TRIM14: variants seen among roughly 807,000 people sequenced by gnomAD.
The protein encoded by TRIM14 is tripartite motif containing 14, also known as tripartite motif-containing protein 14.
In TRIM14, 28 loss-of-function variants were observed where a neutral mutation model predicts 44.5. The ratio of observed to expected loss-of-function variants is 0.63; its 90% CI spans 0.47 to 0.86. The LOEUF (loss-of-function observed/expected upper bound fraction) is 0.86, where lower values mean the gene tolerates loss of function less well. Among genes scored for constraint, TRIM14 ranks in the 40% least tolerant of loss-of-function variants. TRIM14 has a pLI of 0.00. For missense variants in TRIM14, 607 were observed against 611.1 expected (o/e 0.99, Z 0.07); for synonymous variants, 299 against 269.2 (o/e 1.11, Z -1.08).
intron 1 of TRIM14, among the ~76,000 whole-genome samples, chr9:98,115,563 T>C (rs188557409): frequency 1.3e-5 from 2 of 152,180 alleles, no homozygotes; most frequent in Admixed American, 1.3e-4. Context: ...TTTGTATTTT[T>C]AGTAAAGATG....
intron 2 of TRIM14, among the ~76,000 whole-genome samples, chr9:98,102,701 C>T (rs1013479931): frequency 6.6e-6 from 1 of 152,006 alleles, no homozygotes; most frequent in Non-Finnish European, 1.5e-5. Flanking sequence ...GGAGTAATTG[C>T]TTGATGGTTT....
chr9:98,054,788 G>T, the TRIM14 span, among the ~76,000 whole-genome samples: 1 of 152,144 alleles, frequency 6.6e-6, no homozygotes, highest in Non-Finnish European at 1.5e-5. Context: ...ATCGCCAGAG[G>T]GGGTCTACAG....
the TRIM14 span, among the ~76,000 whole-genome samples, chr9:98,042,336 A>G: frequency 6.6e-6 from 1 of 151,510 alleles, no homozygotes; most frequent in African/African-American, 2.4e-5. Flanking sequence ...TTTAAATTGG[A>G]AAATTGCCTG....
chr9:98,065,772 T>C (rs533980992), downstream of TRIM14, among the ~76,000 whole-genome samples: 2 of 152,110 alleles, frequency 1.3e-5, no homozygotes, highest in South Asian at 2.1e-4. Flanking sequence ...AGTTGAATCA[T>C]GGGGGCTGGT....
chr9:98,056,236 TC>T, the TRIM14 span, among the ~76,000 whole-genome samples: 4 of 152,172 alleles, frequency 2.6e-5, no homozygotes, highest in South Asian at 2.1e-4. Context: ...ATACGTCATC[TC>T]ACAGTTCTAT....
intron 2 of TRIM14, among the ~76,000 whole-genome samples, chr9:98,103,808 A>G (rs1260219235): frequency 6.9e-6 from 1 of 144,614 alleles, no homozygotes; most frequent in Admixed American, 7.1e-5. Context: ...ACTGCACTCC[A>G]GCCTGGCAAC....
downstream of TRIM14, among the ~76,000 whole-genome samples, chr9:98,066,561 G>C (rs960443707): frequency 6.6e-6 from 1 of 151,926 alleles, no homozygotes; most frequent in African/African-American, 2.4e-5. Context: ...ATTACCGTTA[G>C]AACATTTTTT....
Position 98,100,151 on chromosome 9 carries a change from G to T in TRIM14, c.317C>A (p.Ser106Ter). The T allele has an allele frequency of 1.2e-6, 2 of 1,614,062 alleles. No individual in the cohort carries two copies. The highest frequency in any genetic ancestry group is 2.2e-5 in the South Asian group (2 of 91,030). ...ATEKLKANAE[S>*]SKTWLKGKFT... Reference sequence around the variant, plus strand: ...TTTCCCCTTCAGCCAGGTTTTACTTGACTCTGCATTAGCCTAAAAACAGAA... The same window carrying T: ...TTTCCCCTTCAGCCAGGTTTTACTTTACTCTGCATTAGCCTAAAAACAGAA... Residue 106 changes from serine (S) to a stop codon, truncating the protein, a stop_gained, in exon 3 of 6, where the codon TCA becomes TAA. Coordinates refer to ENST00000341469, the MANE Select transcript of TRIM14 (RefSeq NM_014788.4). LOFTEE classifies it high-confidence loss of function.
chr9:98,098,912 C>T (rs997171115), intron 3 of TRIM14, among the ~76,000 whole-genome samples: 1 of 152,066 alleles, frequency 6.6e-6, no homozygotes, highest in African/African-American at 2.4e-5. Flanking sequence ...CTCAGCCTCA[C>T]AGGTGCACGC....
the TRIM14 span, among the ~76,000 whole-genome samples, chr9:98,062,132 T>G: frequency 1.3e-5 from 2 of 151,240 alleles, no homozygotes; most frequent in Admixed American, 6.6e-5. Flanking sequence ...CTTGATCCCA[T>G]GTATTTGAGA....
downstream of TRIM14, among the ~76,000 whole-genome samples, chr9:98,065,359 C>T (rs776067756): frequency 1.4e-4 from 18 of 131,086 alleles, 1 homozygote; most frequent in African/African-American, 5.3e-4. Flanking sequence ...GTTGCCCAGG[C>T]TGGAGTGCAA....
rs187988224 is a variant in TRIM14, at chr9:98,084,653, G to A, written c.*2817C>T. 1.3e-5 allele frequency: 2 copies of A among 152,146 alleles called. No homozygotes were observed. Among genetic ancestry groups the A allele is most frequent in the African/African-American group, 4.8e-5 (2 of 41,416 alleles). 9.4% of individuals were successfully genotyped at this position (152,146 alleles called of 1,614,324 possible). On this transcript the variant is annotated 3_prime_UTR_variant, in exon 6 of 6. Coordinates refer to ENST00000341469, the MANE Select transcript of TRIM14 (RefSeq NM_014788.4). ...TGGGAATGCTGATAAATCCTGGCAT[G>A]ATACAGCAGTATATATGTTTTTTTT...
the TRIM14 span, among the ~76,000 whole-genome samples, chr9:98,047,189 G>GT: frequency 6.6e-6 from 1 of 152,138 alleles, no homozygotes; most frequent in Non-Finnish European, 1.5e-5. Context: ...AGATTTGATG[G>GT]TTTTTATAAG....
At chr9:98,080,722 G>A, downstream of TRIM14, 1 of 1,406,872 alleles carries the variant, frequency 7.1e-7, no homozygotes, top group Non-Finnish European at 9.5e-7. Flanking sequence ...GCTAGTGAGT[G>A]GCTAAACCGG....
At chr9:98,081,856 C>T (rs1444428792), downstream of TRIM14, 1 of 151,996 alleles carries the variant, frequency 6.6e-6, no homozygotes, top group Non-Finnish European at 1.5e-5. Context: ...TGCATCTATA[C>T]CAGGAAATTA....
At chr9:98,094,423 G>A (rs1000901582) in intron 4 of TRIM14, among the ~76,000 whole-genome samples, 4 of 152,168 alleles carry the variant, frequency 2.6e-5, no homozygotes, top group African/African-American at 4.8e-5. Context: ...GCCCTGGAGC[G>A]GGAAGGGAGA....
the TRIM14 span, among the ~76,000 whole-genome samples, chr9:98,063,794 AG>A: frequency 6.8e-6 from 1 of 148,056 alleles, no homozygotes; most frequent in African/African-American, 2.5e-5. Flanking sequence ...CCTCCCATCT[AG>A]GCCTCCCAAA....
At chr9:98,117,097 T>C (rs1827081511) in intron 1 of TRIM14, among the ~76,000 whole-genome samples, 1 of 152,086 alleles carries the variant, frequency 6.6e-6, no homozygotes, top group African/African-American at 2.4e-5. Context: ...TAGTTTTTAT[T>C]TTCCTGCAAT....
rs531071695 is a variant in TRIM14 at position 98,118,246 on chromosome 9, G to A, written c.207+736C>T. Among the ~76,000 whole-genome samples the A allele has an allele frequency of 2.4e-4, 12 of 50,810 alleles. No homozygotes were observed. The South Asian group carries it at 6.4e-3, about 27-fold the overall frequency. 33.3% of individuals were successfully genotyped at this position (50,810 alleles called of 152,430 possible). ...AGTCAGCTGGGAAGCTGGAGCAGGA[G>A]CCCAGAGCCCCTGGGGCACTGTTAG... is the stretch of plus-strand genomic sequence containing the variant. On this transcript the variant is annotated intron_variant, in intron 1 of 5. Coordinates refer to ENST00000341469, the MANE Select transcript of TRIM14 (RefSeq NM_014788.4).
Sources: allele counts gnomAD v4.1 joint callset (sites outside exome capture counted in the v4.1 genomes callset), GRCh38; gene constraint gnomAD v4.1.1; transcripts MANE v1.5; gene names NCBI Gene and HGNC (gene_info 2026-07-23, HGNC 2026-07-21).